REV3L: variants seen among roughly 807,000 people sequenced by gnomAD.
REV3L encodes DNA polymerase zeta catalytic subunit.
In REV3L, 69 loss-of-function variants were observed where a neutral mutation model predicts 299.4. The observed-to-expected ratio is 0.23, with a 90% CI of 0.19 to 0.28. The LOEUF (loss-of-function observed/expected upper bound fraction) is 0.28, where lower values mean the gene tolerates loss of function less well. Ranked by LOEUF, REV3L falls within the 10% of genes least tolerant of loss-of-function variation. REV3L has a pLI of 1.00. For synonymous variants in REV3L, 1,238 were observed against 1,271.4 expected (o/e 0.97, Z 0.56); for missense variants, 3,128 against 3,693.8 (o/e 0.85, Z 3.97).
chr6:111,477,452 G>C (rs973376952), intron 1 of REV3L, among the ~76,000 whole-genome samples: 3 of 152,224 alleles, frequency 2.0e-5, no homozygotes, highest in African/African-American at 7.2e-5. Flanking sequence ...CTGTGATAGG[G>C]AAGCCTTCCC....
chr6:111,315,415 G>T (rs202111147), intron 26 of REV3L, 34 bp from the exon 27 acceptor site: 2 of 1,553,566 alleles, frequency 1.3e-6, no homozygotes, highest in Non-Finnish European at 1.8e-6. Flanking sequence ...AGGTAATGAG[G>T]AAGTCATTAT....
chr6:111,463,860 C>A (rs564799195), intron 1 of REV3L, among the ~76,000 whole-genome samples: 2 of 152,266 alleles, frequency 1.3e-5, no homozygotes, highest in Non-Finnish European at 2.9e-5. Context: ...ACGGTCTGCT[C>A]CAACAGAAAC....
chr6:111,429,754 A>C (rs1786648799), intron 1 of REV3L, among the ~76,000 whole-genome samples: 1 of 152,102 alleles, frequency 6.6e-6, no homozygotes. Flanking sequence ...CCTGGCCCAG[A>C]CCGGAAGCAG....
chr6:111,439,727 C>T (rs1011009466), intron 1 of REV3L, among the ~76,000 whole-genome samples: 2 of 152,156 alleles, frequency 1.3e-5, no homozygotes, highest in African/African-American at 4.8e-5. Context: ...AGGTCATGGT[C>T]ACAGTTTGGT....
At chr6:111,361,923 G>A (rs1240335958) in intron 16 of REV3L, among the ~76,000 whole-genome samples, 1 of 152,190 alleles carries the variant, frequency 6.6e-6, no homozygotes, top group Non-Finnish European at 1.5e-5. Context: ...AGAGCAACCA[G>A]TGAGACCTCC....
chr6:111,364,374 A>G (rs182983773), intron 15 of REV3L, among the ~76,000 whole-genome samples: 259 of 152,194 alleles, frequency 1.7e-3, no homozygotes, highest in Non-Finnish European at 3.2e-3. Context: ...TGAAATACTG[A>G]TTTGTATTTT....
chr6:111,344,440 C>G (rs1776827809), intron 20 of REV3L, among the ~76,000 whole-genome samples: 1 of 152,068 alleles, frequency 6.6e-6, no homozygotes. Flanking sequence ...AATGGGATTC[C>G]ACAGATTTGA....
At chr6:111,353,435 G>T (rs866704504) in intron 18 of REV3L, among the ~76,000 whole-genome samples, 3 of 152,118 alleles carry the variant, frequency 2.0e-5, no homozygotes, top group Non-Finnish European at 4.4e-5. Context: ...TCAAACTTCT[G>T]CAACAGCACA....
chr6:111,387,566 G>GT (rs963681579), intron 9 of REV3L, among the ~76,000 whole-genome samples, 199 bp downstream of exon 9: 16 of 152,242 alleles, frequency 1.1e-4, no homozygotes, highest in Admixed American at 3.9e-4. Flanking sequence ...ATTATATATG[G>GT]TAACAGTTTG....
chr6:111,359,001 G>A lies in REV3L; in HGVS notation c.6893C>T (p.Thr2298Ile). 1 of 1,608,992 alleles carries A rather than the reference G, an allele frequency of 6.2e-7. No individual in the cohort carries two copies. The highest frequency in any genetic ancestry group is 8.5e-7 in the Non-Finnish European group (1 of 1,177,802). The change falls in exon 17 of 32, where the codon ACC becomes ATC. Residue 2298 changes from threonine to isoleucine, a missense_variant. Physicochemically the swap from Thr to Ile is moderately conservative, Grantham distance 89. Coordinates refer to ENST00000368802, the MANE Select transcript of REV3L (RefSeq NM_001372078.1). ...AGCATGCAACTCCACACTGATTAGG[G>A]TAAGATTTTGTATCTATAAAAGCAA... ...AKALHEIQNL[T>I]LISVELHART...
At chr6:111,413,922 GAATA>G (rs535420953) in intron 2 of REV3L, among the ~76,000 whole-genome samples, 3 of 151,856 alleles carry the variant, frequency 2.0e-5, no homozygotes, top group Non-Finnish European at 4.4e-5. Context: ...AAACTATCAA[GAATA>G]AACAAAACTA....
intron 1 of REV3L, among the ~76,000 whole-genome samples, chr6:111,448,440 A>G (rs1789116306): frequency 6.6e-6 from 1 of 151,662 alleles, no homozygotes; most frequent in African/African-American, 2.4e-5. Flanking sequence ...CTAGGCTCAG[A>G]TGATCCACCT....
chr6:111,352,014 T>TC (rs970790474), intron 18 of REV3L, among the ~76,000 whole-genome samples: 1 of 148,266 alleles, frequency 6.7e-6, no homozygotes, highest in African/African-American at 2.5e-5. Flanking sequence ...CTTTCTTTCT[T>TC]TTTTTTTTTT....
chr6:111,380,687 T>A (rs1055681133), intron 10 of REV3L, among the ~76,000 whole-genome samples: 1 of 152,264 alleles, frequency 6.6e-6, no homozygotes, highest in Non-Finnish European at 1.5e-5. Flanking sequence ...CTATCAAAGT[T>A]GATCCTTGGA....
chr6:111,330,533 T>C (rs1775272886), intron 24 of REV3L, among the ~76,000 whole-genome samples: 1 of 152,150 alleles, frequency 6.6e-6, no homozygotes, highest in Non-Finnish European at 1.5e-5. Context: ...CACCTGAATA[T>C]TTAAAAAATC....
chr6:111,363,090 T>C (rs1440383619), intron 16 of REV3L, among the ~76,000 whole-genome samples: 1 of 152,230 alleles, frequency 6.6e-6, no homozygotes, highest in Non-Finnish European at 1.5e-5. Flanking sequence ...AGCTGATGTA[T>C]ATTTTTGCAA....
chr6:111,468,306 GA>G (rs1395130576), intron 1 of REV3L, among the ~76,000 whole-genome samples: 18 of 151,868 alleles, frequency 1.2e-4, no homozygotes, highest in African/African-American at 4.1e-4. Context: ...TTTATGAAAT[GA>G]AAAAAAGATA....
intron 30 of REV3L, chr6:111,308,337 C>CT: frequency 2.3e-6 from 1 of 441,570 alleles, no homozygotes; most frequent in African/African-American, 2.0e-5. Context: ...AATAAAGAAT[C>CT]TGAGTTTCCT....
intron 4 of REV3L, among the ~76,000 whole-genome samples, chr6:111,400,587 A>C (rs1371464313): frequency 6.6e-6 from 1 of 152,126 alleles, no homozygotes; most frequent in African/African-American, 2.4e-5. Context: ...TTGATTTTTA[A>C]GAATTCTTAT....
Sources: allele counts gnomAD v4.1 joint callset (sites outside exome capture counted in the v4.1 genomes callset), GRCh38; gene constraint gnomAD v4.1.1; transcripts MANE v1.5; gene names NCBI Gene and HGNC (gene_info 2026-07-23, HGNC 2026-07-21).